Variants in PBRM1 observed in about 807,000 individuals in gnomAD.
PBRM1 encodes protein polybromo-1.
Under a neutral mutation model 194.5 loss-of-function variants are expected in PBRM1, and 27 were observed. That is an observed-to-expected ratio of 0.14 (90% CI 0.10 to 0.19). The LOEUF is 0.19. Among genes scored for constraint, PBRM1 ranks in the 10% least tolerant of loss-of-function variants. The pLI is 1.00. For synonymous variants in PBRM1, 655 were observed against 693.2 expected (o/e 0.94, Z 0.87); for missense variants, 1,466 against 2,077.2 (o/e 0.71, Z 5.72).
At chr3:52,586,065 A>G (rs929256409) in intron 20 of PBRM1, 2 of 167,196 alleles carry the variant, frequency 1.2e-5, no homozygotes, top group African/African-American at 4.8e-5. Context: ...CCTCCTGGGT[A>G]GCTGGAATTA....
intron 24 of PBRM1, 42 bp from the exon 27 acceptor site, chr3:52,562,010 T>C (rs1476770706): frequency 9.3e-6 from 14 of 1,505,104 alleles, no homozygotes; most frequent in African/African-American, 1.4e-5. Context: ...AAACATTACA[T>C]TTGGTTAACT....
At chr3:52,637,489 T>C (rs1481457252) in intron 10 of PBRM1, among the ~76,000 whole-genome samples, 1 of 151,842 alleles carries the variant, frequency 6.6e-6, no homozygotes, top group African/African-American at 2.4e-5. Context: ...AAAAATTTGC[T>C]GGGTGTGGTG....
intron 17 of PBRM1, among the ~76,000 whole-genome samples, chr3:52,593,538 T>C (rs1374063481): frequency 6.6e-6 from 1 of 152,118 alleles, no homozygotes; most frequent in East Asian, 1.9e-4. Context: ...TGCCTGGCCA[T>C]TGACCTATCT....
intron 22 of PBRM1, among the ~76,000 whole-genome samples, chr3:52,567,763 C>G (rs1474145383): frequency 2.0e-5 from 3 of 149,148 alleles, no homozygotes; most frequent in Non-Finnish European, 4.4e-5. Flanking sequence ...TCCCGAGTAG[C>G]TGGGATTACA....
intron 3 of PBRM1, among the ~76,000 whole-genome samples, chr3:52,663,885 T>C (rs372168551): frequency 2.0e-4 from 31 of 151,980 alleles, no homozygotes; most frequent in East Asian, 7.7e-4. Flanking sequence ...CAGTGAAACC[T>C]CATCTCTACT....
At chr3:52,636,993 T>C (rs1264131379) in intron 10 of PBRM1, among the ~76,000 whole-genome samples, 2 of 152,084 alleles carry the variant, frequency 1.3e-5, no homozygotes, top group Non-Finnish European at 2.9e-5. Flanking sequence ...GGTTAATTAC[T>C]TGCACAAGTT....
intron 2 of PBRM1, among the ~76,000 whole-genome samples, chr3:52,677,812 A>G (rs2097139006): frequency 6.6e-6 from 1 of 152,024 alleles, no homozygotes; most frequent in South Asian, 2.1e-4. Flanking sequence ...TTGCCCACCT[A>G]TAGACCTCCC....
intron 7 of PBRM1, among the ~76,000 whole-genome samples, chr3:52,645,108 G>A (rs1393952069): frequency 6.6e-6 from 1 of 152,158 alleles, no homozygotes; most frequent in African/African-American, 2.4e-5. Context: ...AAGACCCCCA[G>A]TGGATGCCTG....
intron 22 of PBRM1, among the ~76,000 whole-genome samples, chr3:52,566,343 T>C (rs1215935179): frequency 1.3e-5 from 2 of 152,206 alleles, no homozygotes; most frequent in Non-Finnish European, 2.9e-5. Flanking sequence ...TTTCTAGGTA[T>C]ATATCCAAAA....
At chr3:52,557,466 G>C (rs934280189) in intron 26 of PBRM1, among the ~76,000 whole-genome samples, 1 of 152,168 alleles carries the variant, frequency 6.6e-6, no homozygotes, top group Admixed American at 6.5e-5. Context: ...CAGGACTGGA[G>C]AGATCTCAAA....
At chr3:52,615,691 G>A (rs2094915908) in intron 14 of PBRM1, among the ~76,000 whole-genome samples, 1 of 152,128 alleles carries the variant, frequency 6.6e-6, no homozygotes, top group African/African-American at 2.4e-5. Flanking sequence ...GCATGTTAAT[G>A]TTTGAGAACC....
At chr3:52,557,745 A>G (rs1311113424) in intron 26 of PBRM1, among the ~76,000 whole-genome samples, 1 of 152,202 alleles carries the variant, frequency 6.6e-6, no homozygotes, top group Non-Finnish European at 1.5e-5. Flanking sequence ...TCTATTTAGC[A>G]GTCATGCACA....
chr3:52,653,826 C>T (rs1429142464), intron 5 of PBRM1, among the ~76,000 whole-genome samples: 2 of 152,030 alleles, frequency 1.3e-5, no homozygotes, highest in Admixed American at 6.6e-5. Context: ...AGGAGAATCG[C>T]TTGAACCTGG....
chr3:52,572,771 A>G (rs1464985087), intron 22 of PBRM1, among the ~76,000 whole-genome samples: 1 of 152,252 alleles, frequency 6.6e-6, no homozygotes, highest in Non-Finnish European at 1.5e-5. Context: ...TGTATGTAAC[A>G]GAAGATGAAA....
At chr3:52,554,793 G>A (rs2153429862) in exon 27 of PBRM1, 1 of 1,592,078 alleles carries the variant, frequency 6.3e-7, no homozygotes, top group East Asian at 2.3e-5. Flanking sequence ...CCCCCAGGGT[G>A]AAGTGGCTGC....
chr3:52,685,567 C>A (rs1182978510), intron 1 of PBRM1, 182 bp downstream of exon 1: 1 of 151,264 alleles, frequency 6.6e-6, no homozygotes, highest in Non-Finnish European at 1.5e-5. Flanking sequence ...TGCGACAAGG[C>A]TACTGGGCCC....
chr3:52,641,446 C>CAAAAAAAAAAAA (rs386396638), intron 10 of PBRM1, among the ~76,000 whole-genome samples: 19 of 69,570 alleles, frequency 2.7e-4, no homozygotes, highest in Non-Finnish European at 4.0e-4. Context: ...GACTCCATCT[C>CAAAAAAAAAAAA]AAAAAAAAAA....
At chr3:52,641,446 C>CAAAAAAAAAAAAAAA (rs386396638) in intron 10 of PBRM1, among the ~76,000 whole-genome samples, 17 of 69,804 alleles carry the variant, frequency 2.4e-4, no homozygotes, top group South Asian at 6.4e-4. Context: ...GACTCCATCT[C>CAAAAAAAAAAAAAAA]AAAAAAAAAA....
rs141169157 is a variant in PBRM1, at chr3:52,634,052, T to C, written c.1301+550A>G. On this transcript the variant is annotated intron_variant, in intron 11 of 29. Coordinates refer to ENST00000296302, the Ensembl canonical transcript of PBRM1. ...CTTATCCTGGGGTTTCAACTATAGA[T>C]ACATAACTTAAATACAGATTAACTG... Among the ~76,000 whole-genome samples, 302 of 152,272 alleles carry C rather than the reference T, an allele frequency of 2.0e-3. 1 individual carries two copies. Among genetic ancestry groups the C allele is most frequent in the Admixed American group, 0.012 (184 of 15,284 alleles).
Sources: allele counts gnomAD v4.1 joint callset (sites outside exome capture counted in the v4.1 genomes callset), GRCh38; gene constraint gnomAD v4.1.1; transcripts MANE v1.5; gene names NCBI Gene and HGNC (gene_info 2026-07-23, HGNC 2026-07-21).